SLC16A10: variants seen among roughly 807,000 people sequenced by gnomAD.
SLC16A10 encodes the protein monocarboxylate transporter 10.
In SLC16A10, 27 loss-of-function variants were observed where a neutral mutation model predicts 40.0. The ratio of observed to expected loss-of-function variants is 0.67; its 90% CI spans 0.50 to 0.93. The LOEUF is 0.93. SLC16A10 is among the 40% of genes least tolerant of loss of function. The pLI is 0.00. For synonymous variants in SLC16A10, 213 were observed against 249.8 expected (o/e 0.85, Z 1.39); for missense variants, 529 against 658.2 (o/e 0.80, Z 2.15).
intron 3 of SLC16A10, among the ~76,000 whole-genome samples, chr6:111,187,871 C>T (rs1224081905): frequency 6.6e-6 from 1 of 152,058 alleles, no homozygotes; most frequent in Non-Finnish European, 1.5e-5. Flanking sequence ...GCAGATTGTC[C>T]CTGACAATGC....
At chr6:111,100,956 C>CTT (rs1771166413) in intron 1 of SLC16A10, among the ~76,000 whole-genome samples, 1 of 69,320 alleles carries the variant, frequency 1.4e-5, no homozygotes, top group South Asian at 4.9e-4. Flanking sequence ...CGCTCTTTCT[C>CTT]TCCCTCTCTC....
chr6:111,212,173 T>C (rs1210201861), intron 4 of SLC16A10, among the ~76,000 whole-genome samples: 1 of 152,034 alleles, frequency 6.6e-6, no homozygotes, highest in African/African-American at 2.4e-5. Context: ...GAGAAGCCAG[T>C]TCACCCCAGT....
At chr6:111,095,034 A>G (rs918790638) in intron 1 of SLC16A10, among the ~76,000 whole-genome samples, 17 of 152,108 alleles carry the variant, frequency 1.1e-4, no homozygotes, top group African/African-American at 3.9e-4. Flanking sequence ...AAAAGATTGG[A>G]CCATATGATT....
chr6:111,217,296 G>GAGA (rs367583266), intron 4 of SLC16A10, among the ~76,000 whole-genome samples: 212 of 152,320 alleles, frequency 1.4e-3, no homozygotes, highest in African/African-American at 5.0e-3. Flanking sequence ...GATCACCAGT[G>GAGA]AGATAATCAA....
intron 1 of SLC16A10, among the ~76,000 whole-genome samples, chr6:111,146,619 C>T (rs910768708): frequency 6.6e-5 from 10 of 152,174 alleles, no homozygotes; most frequent in Admixed American, 5.2e-4. Flanking sequence ...CGCCTGTAGT[C>T]CCAGCTACTC....
chr6:111,216,590 T>G (rs1214957069), intron 4 of SLC16A10, among the ~76,000 whole-genome samples: 14 of 123,262 alleles, frequency 1.1e-4, no homozygotes, highest in Admixed American at 4.3e-4. Flanking sequence ...TTTTTTTTTG[T>G]ATTTTTAGTA....
At chr6:111,136,180 C>T (rs764406962) in intron 1 of SLC16A10, among the ~76,000 whole-genome samples, 4 of 152,162 alleles carry the variant, frequency 2.6e-5, no homozygotes, top group East Asian at 3.9e-4. Flanking sequence ...CTTTCCAGGC[C>T]GTAAAGAACA....
chr6:111,173,474 C>CGG (rs2114543382), intron 2 of SLC16A10: 1 of 152,350 alleles, frequency 6.6e-6, no homozygotes, highest in South Asian at 2.1e-4. Flanking sequence ...CAGACTGGTA[C>CGG]GGGTCCATGG....
Position 111,226,109 on chromosome 6 carries a change from A to G in SLC16A10, c.*3874A>G, listed in dbSNP as rs550453419. ...ATATTTAAGGGAAGAAATAAATTTC[A>G]TACAAATTAGTATCTTTTATGCTAA... On this transcript the variant is annotated 3_prime_UTR_variant, in exon 6 of 6. Coordinates refer to ENST00000368851, the MANE Select transcript of SLC16A10 (RefSeq NM_018593.5). 1 of 152,342 alleles carries G rather than the reference A, an allele frequency of 6.6e-6. No individual in the cohort carries two copies. Among genetic ancestry groups the G allele is most frequent in the African/African-American group, 2.4e-5 (1 of 41,566 alleles). The allele number at this position is 152,342 out of a possible 1,614,324, so 9.4% of individuals were successfully genotyped here. A position where few individuals can be genotyped will look rare whatever the true frequency, so the allele number is the denominator to read the frequency against.
chr6:111,119,332 A>G (rs1408564935), intron 1 of SLC16A10, among the ~76,000 whole-genome samples: 1 of 152,244 alleles, frequency 6.6e-6, no homozygotes, highest in Admixed American at 6.5e-5. Context: ...AGTAGGCTGC[A>G]TAGTCTCTTT....
At chr6:111,201,886 T>A (rs1562431742) in intron 3 of SLC16A10, among the ~76,000 whole-genome samples, 1 of 152,366 alleles carries the variant, frequency 6.6e-6, no homozygotes, top group African/African-American at 2.4e-5. Flanking sequence ...TGCATGTTCG[T>A]TGGCTTTATT....
At chr6:111,201,250 T>C (rs1773163325) in intron 3 of SLC16A10, among the ~76,000 whole-genome samples, 1 of 152,156 alleles carries the variant, frequency 6.6e-6, no homozygotes, top group South Asian at 2.1e-4. Flanking sequence ...TGAAATCTTA[T>C]CTCCCAAAGA....
intron 5 of SLC16A10, among the ~76,000 whole-genome samples, chr6:111,221,402 A>AT (rs1306368058): frequency 2.6e-5 from 4 of 152,164 alleles, no homozygotes; most frequent in African/African-American, 7.2e-5. Flanking sequence ...ATTTTGAATT[A>AT]TGATGTTAAA....
intron 1 of SLC16A10, among the ~76,000 whole-genome samples, chr6:111,127,985 A>G (rs1382849540): frequency 6.6e-6 from 1 of 152,134 alleles, no homozygotes; most frequent in African/African-American, 2.4e-5. Flanking sequence ...CCTATTCACC[A>G]AGCTGAATCC....
intron 4 of SLC16A10, among the ~76,000 whole-genome samples, chr6:111,216,835 A>G (rs1217755105): frequency 1.3e-5 from 2 of 152,168 alleles, no homozygotes; most frequent in Non-Finnish European, 2.9e-5. Flanking sequence ...CCCAATATGA[A>G]ACAGTTTTCA....
intron 1 of SLC16A10, among the ~76,000 whole-genome samples, chr6:111,145,305 G>A (rs1007663530): frequency 3.9e-5 from 6 of 152,156 alleles, no homozygotes; most frequent in African/African-American, 1.2e-4. Context: ...GGAGGCTGTA[G>A]CTGGAGGATC....
intron 3 of SLC16A10, among the ~76,000 whole-genome samples, chr6:111,204,456 G>A (rs1303602195): frequency 6.6e-6 from 1 of 152,190 alleles, no homozygotes; most frequent in Non-Finnish European, 1.5e-5. Flanking sequence ...AAGAGAATGT[G>A]TAGAGACATT....
chr6:111,117,852 AG>A (rs368705307), intron 1 of SLC16A10, among the ~76,000 whole-genome samples: 1 of 152,350 alleles, frequency 6.6e-6, no homozygotes, highest in Non-Finnish European at 1.5e-5. Flanking sequence ...AACAAGTCCC[AG>A]GGACCCAGCA....
intron 3 of SLC16A10, among the ~76,000 whole-genome samples, chr6:111,203,663 A>C (rs1468332153): frequency 6.6e-6 from 1 of 151,820 alleles, no homozygotes; most frequent in Non-Finnish European, 1.5e-5. Context: ...TGGAGGTTGC[A>C]GTGAGCTGAG....
Sources: allele counts gnomAD v4.1 joint callset (sites outside exome capture counted in the v4.1 genomes callset), GRCh38; gene constraint gnomAD v4.1.1; transcripts MANE v1.5; gene names NCBI Gene and HGNC (gene_info 2026-07-23, HGNC 2026-07-21).